The following BAG4 variants were observed in gnomAD, a reference collection of about 807,000 sequenced individuals.
The protein encoded by BAG4 is BAG cochaperone 4, also known as BAG family molecular chaperone regulator 4.
A neutral mutation model predicts 52.1 loss-of-function variants in BAG4; 28 were observed. The ratio of observed to expected loss-of-function variants is 0.54; its 90% confidence interval spans 0.40 to 0.74. BAG4 has a LOEUF of 0.74. BAG4 is among the 30% of genes least tolerant of loss of function. The pLI, the probability that BAG4 is intolerant of heterozygous loss-of-function variation, is 0.00. For synonymous variants in BAG4, 208 were observed against 217.0 expected (o/e 0.96, Z 0.37); for missense variants, 525 against 572.0 (o/e 0.92, Z 0.84).
chr8:38,190,718 A>G (rs1170242438), intron 1 of BAG4, among the ~76,000 whole-genome samples: 1 of 149,388 alleles, frequency 6.7e-6, no homozygotes, highest in Non-Finnish European at 1.5e-5. Flanking sequence ...TGCTGGGATT[A>G]CAGATTGAGC....
At chr8:38,201,815 T>C (rs1241091466) in intron 2 of BAG4, 1 of 135,720 alleles carries the variant, frequency 7.4e-6, no homozygotes, top group Non-Finnish European at 1.5e-5. Flanking sequence ...ATTTCATGCA[T>C]TTATTCTGAG....
chr8:38,209,980 T>A, intron 4 of BAG4, 28 bp from the exon 5 acceptor site: 1 of 1,601,718 alleles, frequency 6.2e-7, no homozygotes, highest in East Asian at 2.2e-5. Flanking sequence ...AAACAGCTCT[T>A]TTCCTCTTTT....
At chr8:38,190,868 G>A (rs1017502061) in intron 1 of BAG4, among the ~76,000 whole-genome samples, 4 of 150,218 alleles carry the variant, frequency 2.7e-5, no homozygotes, top group African/African-American at 7.3e-5. Context: ...AGCTATTCTC[G>A]TGCCTCAGCT....
intron 3 of BAG4, among the ~76,000 whole-genome samples, chr8:38,208,238 G>C (rs894214586): frequency 2.7e-5 from 4 of 150,150 alleles, no homozygotes; most frequent in Admixed American, 2.7e-4. Context: ...GCCTCCCAAA[G>C]TGCTGGGATT....
intron 4 of BAG4, 129 bp downstream of exon 4, chr8:38,209,396 T>G: frequency 8.1e-7 from 1 of 1,228,904 alleles, no homozygotes; most frequent in Non-Finnish European, 1.1e-6. Flanking sequence ...TACTTATCTA[T>G]AGCTTTACCT....
chr8:38,208,925 G>C, intron 3 of BAG4, 88 bp from the exon 4 acceptor site: 1 of 1,435,008 alleles, frequency 7.0e-7, no homozygotes, highest in Non-Finnish European at 9.5e-7. Flanking sequence ...GTTAAGAAGA[G>C]AGGAAGCATC....
At position 38,176,929 on chromosome 8, in the gene BAG4, C is replaced by T; in HGVS notation, c.60C>T (p.Tyr20=). The change falls in exon 1 of 5, where the codon TAC becomes TAT. Residue 20 remains tyrosine (Y), a synonymous_variant. Coordinates refer to ENST00000287322, the MANE Select transcript of BAG4 (RefSeq NM_004874.4). ...GTGACGGTCCGTCCTACGGCCGCTACTACGGGCCTGGGGGTGGAGATGTGC... is the reference window on the plus strand; with the variant it reads ...GTGACGGTCCGTCCTACGGCCGCTATTACGGGCCTGGGGGTGGAGATGTGC... ...GPSDGPSYGR[Y]YGPGGGDVPV... is the part of the protein sequence containing the mutation. 6.4e-7 allele frequency: 1 copy of T among 1,552,194 alleles called. No individual in the cohort carries two copies. The highest frequency in any genetic ancestry group is 8.7e-7 in the Non-Finnish European group (1 of 1,148,164).
intron 2 of BAG4, among the ~76,000 whole-genome samples, chr8:38,198,281 G>T (rs1412131785): frequency 6.7e-6 from 1 of 150,198 alleles, no homozygotes; most frequent in African/African-American, 2.4e-5. Context: ...CTACTCGGGA[G>T]GCTGAGGCAG....
chr8:38,187,153 A>G (rs1331853560), intron 1 of BAG4, among the ~76,000 whole-genome samples: 1 of 152,262 alleles, frequency 6.6e-6, no homozygotes, highest in Non-Finnish European at 1.5e-5. Context: ...ACTTCAAAGT[A>G]GCCATTATAT....
intron 4 of BAG4, chr8:38,209,487 CAG>C (rs1803832628): frequency 1.7e-6 from 1 of 572,754 alleles, no homozygotes; most frequent in Non-Finnish European, 2.9e-6. Context: ...TGTTAAAAGA[CAG>C]AAAGATACAC....
chr8:38,188,062 A>G (rs1036747574), intron 1 of BAG4, among the ~76,000 whole-genome samples: 15 of 150,152 alleles, frequency 1.0e-4, no homozygotes, highest in Non-Finnish European at 1.8e-4. Flanking sequence ...AAAAAAAGGA[A>G]GAAGAAGAAG....
intron 2 of BAG4, among the ~76,000 whole-genome samples, chr8:38,204,400 G>A (rs1300166700): frequency 1.3e-5 from 2 of 151,522 alleles, no homozygotes; most frequent in Admixed American, 1.3e-4. Flanking sequence ...CATGCCTGTG[G>A]TCCCAGTTAC....
intron 1 of BAG4, among the ~76,000 whole-genome samples, chr8:38,190,862 A>G (rs1008767579): frequency 6.7e-6 from 1 of 150,086 alleles, no homozygotes; most frequent in African/African-American, 2.5e-5. Context: ...GGTTCAAGCT[A>G]TTCTCGTGCC....
intron 1 of BAG4, among the ~76,000 whole-genome samples, chr8:38,179,697 C>T (rs1180737903): frequency 1.3e-5 from 2 of 151,238 alleles, no homozygotes; most frequent in African/African-American, 4.9e-5. Flanking sequence ...ACCCAGGAGG[C>T]GGAGGTTGCA....
intron 2 of BAG4, among the ~76,000 whole-genome samples, chr8:38,197,058 C>T (rs1431464515): frequency 2.0e-5 from 3 of 151,916 alleles, no homozygotes; most frequent in Non-Finnish European, 2.9e-5. Flanking sequence ...CTCCAGTCTG[C>T]GTGACAGAGC....
At chr8:38,191,760 CAAAAAAAAAA>C (rs35851034) in intron 1 of BAG4, among the ~76,000 whole-genome samples, 9 of 72,624 alleles carry the variant, frequency 1.2e-4, no homozygotes, top group African/African-American at 4.9e-4. Context: ...AACTCTGTCT[CAAAAAAAAAA>C]AAAAAAAAAA....
At chr8:38,184,982 G>A (rs1006938353) in intron 1 of BAG4, among the ~76,000 whole-genome samples, 2 of 151,998 alleles carry the variant, frequency 1.3e-5, no homozygotes, top group Admixed American at 6.6e-5. Flanking sequence ...CCAGCTACTC[G>A]GGAGGCTGAG....
At position 38,207,667 on chromosome 8, in the gene BAG4, C is replaced by T; in HGVS notation, c.534C>T (p.Asn178=). The T allele has an allele frequency of 2.5e-6, 4 of 1,614,160 alleles. No individual in the cohort carries two copies. The highest frequency in any genetic ancestry group is 3.4e-6 in the Non-Finnish European group (4 of 1,179,992). Residue 178 remains asparagine, a synonymous_variant, in exon 3 of 5, where the codon AAC becomes AAT. Coordinates refer to ENST00000287322, the MANE Select transcript of BAG4 (RefSeq NM_004874.4). ...CAAGTACTTACCGTTCATCTGGCAACAGCCCAACTCCAGTCTCTCGTTGGA... is the reference window on the plus strand; with the variant it reads ...CAAGTACTTACCGTTCATCTGGCAATAGCCCAACTCCAGTCTCTCGTTGGA... ...EVPSTYRSSG[N]SPTPVSRWIY...
intron 2 of BAG4, among the ~76,000 whole-genome samples, chr8:38,195,012 G>A (rs1293222033): frequency 2.6e-5 from 4 of 151,358 alleles, no homozygotes; most frequent in African/African-American, 9.7e-5. Context: ...CCGCCACCAC[G>A]CCCAGCTAAT....
Sources: gnomAD v4.1 joint callset for allele counts (sites outside exome capture counted in the v4.1 genomes callset) on GRCh38, gnomAD v4.1.1 for gene constraint, MANE v1.5 for transcripts, NCBI Gene and HGNC (gene_info 2026-07-23, HGNC 2026-07-21) for gene names.